Variants in KHDRBS2 observed in about 807,000 individuals in gnomAD.
The protein encoded by KHDRBS2 is KH RNA binding domain containing, signal transduction associated 2.
A neutral mutation model predicts 44.3 loss-of-function variants in KHDRBS2; 26 were observed. The observed-to-expected ratio is 0.59, with a 90% CI of 0.43 to 0.81. KHDRBS2 has a LOEUF of 0.81. KHDRBS2 is among the 40% of genes least tolerant of loss of function. The pLI, the probability that KHDRBS2 is intolerant of heterozygous loss-of-function variation, is 0.00. For missense variants in KHDRBS2, 476 were observed against 433.1 expected (o/e 1.10, Z -0.88); for synonymous variants, 194 against 151.1 (o/e 1.28, Z -2.08).
chr6:61,774,517 GC>G (rs1427739422), intron 6 of KHDRBS2, among the ~76,000 whole-genome samples: 50 of 152,174 alleles, frequency 3.3e-4, no homozygotes, highest in Admixed American at 3.2e-3. Flanking sequence ...CAAACAGAGA[GC>G]CAAATCAGGA....
At chr6:61,718,539 A>G (rs62423552) in intron 7 of KHDRBS2, among the ~76,000 whole-genome samples, 28,002 of 151,976 alleles carry the variant, frequency 0.18, 2,718 homozygotes, top group African/African-American at 0.21. Flanking sequence ...AGGATGACTA[A>G]TGGCAACACC....
At chr6:62,219,629 T>G (rs1416125628) in intron 1 of KHDRBS2, among the ~76,000 whole-genome samples, 2 of 151,244 alleles carry the variant, frequency 1.3e-5, no homozygotes, top group Admixed American at 6.6e-5. Context: ...TTTTAAAATA[T>G]GGAATCGATA....
rs771026240 is a variant in KHDRBS2 at position 62,285,940 on chromosome 6, C to T, written c.9G>A (p.Glu3=). The T allele has an allele frequency of 6.2e-7, 1 of 1,610,086 alleles. No individual in the cohort carries two copies. Among genetic ancestry groups the T allele is most frequent in the Admixed American group, 1.7e-5 (1 of 59,942 alleles). ME[E]EKYLPELMAE... is the part of the protein sequence containing the mutation. ...CCATCAGCTCAGGCAAATATTTCTCCTCTTCCATAGCGCGGACTTCGGATT... is the reference window on the plus strand; with the variant it reads ...CCATCAGCTCAGGCAAATATTTCTCTTCTTCCATAGCGCGGACTTCGGATT... Residue 3 remains glutamate (E), a synonymous_variant, in exon 1 of 9, where the codon GAG becomes GAA. Transcript: ENST00000281156.
chr6:62,042,163 G>T (rs1227064505), intron 3 of KHDRBS2, among the ~76,000 whole-genome samples: 1 of 152,024 alleles, frequency 6.6e-6, no homozygotes, highest in Non-Finnish European at 1.5e-5. Context: ...GGTTCAGGAA[G>T]GACCTTTCAG....
At chr6:61,635,913 C>G in the KHDRBS2 span, among the ~76,000 whole-genome samples, 1 of 151,986 alleles carries the variant, frequency 6.6e-6, no homozygotes, top group African/African-American at 2.4e-5. Context: ...CTGAGTACAT[C>G]TCCCAAACAG....
At chr6:62,007,884 G>A (rs1412855973) in intron 3 of KHDRBS2, among the ~76,000 whole-genome samples, 2 of 152,108 alleles carry the variant, frequency 1.3e-5, no homozygotes, top group Non-Finnish European at 2.9e-5. Flanking sequence ...CATATGTTGT[G>A]CATCTCTACT....
chr6:61,971,110 C>T (rs1771302174), intron 4 of KHDRBS2, among the ~76,000 whole-genome samples: 1 of 152,066 alleles, frequency 6.6e-6, no homozygotes, highest in Non-Finnish European at 1.5e-5. Flanking sequence ...CTATTTGTAT[C>T]ACATTGAGTA....
intron 3 of KHDRBS2, among the ~76,000 whole-genome samples, chr6:61,985,600 T>C (rs757230622): frequency 2.0e-5 from 3 of 152,204 alleles, no homozygotes; most frequent in Non-Finnish European, 2.9e-5. Context: ...TGGATCAAAA[T>C]GATGATCCTT....
intron 2 of KHDRBS2, among the ~76,000 whole-genome samples, chr6:62,134,909 G>A (rs1811173144): frequency 6.6e-6 from 1 of 152,122 alleles, no homozygotes; most frequent in South Asian, 2.1e-4. Context: ...TAACTAACTT[G>A]CTTTTGAATT....
At chr6:61,977,142 C>A (rs376483274) in intron 4 of KHDRBS2, among the ~76,000 whole-genome samples, 8 of 152,076 alleles carry the variant, frequency 5.3e-5, no homozygotes, top group East Asian at 1.9e-4. Flanking sequence ...AATCAATGAA[C>A]CTTACCCACC....
At position 62,242,884 on chromosome 6, in the gene KHDRBS2, T is replaced by C. The variant is rs148255911; in HGVS notation, c.91+42974A>G. On this transcript the variant is annotated intron_variant, in intron 1 of 8. Coordinates refer to ENST00000281156, the MANE Select transcript of KHDRBS2 (RefSeq NM_152688.4). ...GCCCACATGTTTTGCCTGCAGGACA[T>C]GCTTTTTTGCTATCATATACTTTGT... 2.5e-3 allele frequency among the ~76,000 whole-genome samples: 379 copies of C among 152,266 alleles called. 3 individuals carry two copies. Among genetic ancestry groups the C allele is most frequent in the African/African-American group, 8.4e-3 (348 of 41,574 alleles).
chr6:61,607,159 T>C, the KHDRBS2 span, among the ~76,000 whole-genome samples: 1 of 151,862 alleles, frequency 6.6e-6, no homozygotes, highest in Non-Finnish European at 1.5e-5. Flanking sequence ...AAGTAGAGAT[T>C]TTGGACATTA....
At chr6:61,707,547 T>G (rs541137708) in intron 7 of KHDRBS2, among the ~76,000 whole-genome samples, 1 of 151,978 alleles carries the variant, frequency 6.6e-6, no homozygotes, top group South Asian at 2.1e-4. Context: ...TTATTTTAGT[T>G]AAATGCAAAA....
chr6:61,807,401 C>G lies in KHDRBS2; in HGVS notation c.811-74637G>C, dbSNP rs62416610. Among the ~76,000 whole-genome samples the G allele has an allele frequency of 2.5e-3, 383 of 152,170 alleles. 2 individuals are homozygous for G. The highest frequency in any genetic ancestry group is 3.9e-3 in the Non-Finnish European group (264 of 68,006). On this transcript the variant is annotated intron_variant, in intron 6 of 8. Coordinates refer to ENST00000281156, the MANE Select transcript of KHDRBS2 (RefSeq NM_152688.4). ...TTCATTGTAGCACTACTCACAATAG[C>G]AAAGACATGGACTCAACCTAAATGT...
At chr6:61,790,578 G>A (rs1029653277) in intron 6 of KHDRBS2, among the ~76,000 whole-genome samples, 2 of 151,402 alleles carry the variant, frequency 1.3e-5, no homozygotes, top group African/African-American at 4.8e-5. Flanking sequence ...CTTGGGATGA[G>A]GTTATTTATG....
At chr6:62,107,557 T>C (rs760612153) in intron 2 of KHDRBS2, among the ~76,000 whole-genome samples, 1 of 152,198 alleles carries the variant, frequency 6.6e-6, no homozygotes. Context: ...CCCATCAAGC[T>C]ACCAATGACT....
At chr6:62,200,278 T>C (rs1826659248) in intron 1 of KHDRBS2, among the ~76,000 whole-genome samples, 1 of 152,110 alleles carries the variant, frequency 6.6e-6, no homozygotes, top group Non-Finnish European at 1.5e-5. Flanking sequence ...CAAAAGAAAC[T>C]ACCATCAGAG....
At chr6:62,245,960 C>T (rs1585397533) in intron 1 of KHDRBS2, among the ~76,000 whole-genome samples, 1 of 151,852 alleles carries the variant, frequency 6.6e-6, no homozygotes, top group East Asian at 1.9e-4. Flanking sequence ...CTGGACCTCA[C>T]AACCTCAGGG....
intron 1 of KHDRBS2, among the ~76,000 whole-genome samples, chr6:62,223,374 C>A (rs934182376): frequency 2.0e-5 from 3 of 152,146 alleles, no homozygotes; most frequent in African/African-American, 7.2e-5. Context: ...GGTTGGGGAC[C>A]CTGGGTCAGG....
Sources: gnomAD v4.1 joint callset for allele counts (sites outside exome capture counted in the v4.1 genomes callset) on GRCh38, gnomAD v4.1.1 for gene constraint, MANE v1.5 for transcripts, NCBI Gene and HGNC (gene_info 2026-07-23, HGNC 2026-07-21) for gene names.